Variants in PRELID2 observed in about 807,000 individuals in gnomAD.
The protein encoded by PRELID2 is PRELI domain-containing protein 2.
Under a neutral mutation model 28.4 loss-of-function variants are expected in PRELID2, and 25 were observed. The observed-to-expected ratio is 0.88, with a 90% CI of 0.64 to 1.23. PRELID2 has a LOEUF of 1.23. Ranked by LOEUF, PRELID2 falls within the 50% of genes most tolerant of loss-of-function variation. The pLI is 0.00. For missense variants in PRELID2, 201 were observed against 214.4 expected (o/e 0.94, Z 0.39); for synonymous variants, 76 against 71.6 (o/e 1.06, Z -0.31).
At chr5:145,263,873 C>T in the PRELID2 span, among the ~76,000 whole-genome samples, 389 of 151,072 alleles carry the variant, frequency 2.6e-3, 3 homozygotes, top group African/African-American at 9.3e-3. Flanking sequence ...AAAAAAAGTC[C>T]AGGACCAGAC....
chr5:145,366,892 G>A, the PRELID2 span, among the ~76,000 whole-genome samples: 6 of 151,924 alleles, frequency 3.9e-5, no homozygotes, highest in African/African-American at 1.4e-4. Context: ...CTTCTGAAAT[G>A]TTTTTCTGAT....
At chr5:145,787,309 C>T (rs1295711087) in intron 5 of PRELID2, among the ~76,000 whole-genome samples, 1 of 152,170 alleles carries the variant, frequency 6.6e-6, no homozygotes, top group Non-Finnish European at 1.5e-5. Flanking sequence ...TAAGCCTCCC[C>T]AGAGAAGCAA....
intron 1 of PRELID2, among the ~76,000 whole-genome samples, chr5:145,543,382 G>C (rs1752760878): frequency 6.6e-6 from 1 of 151,936 alleles, no homozygotes; most frequent in Non-Finnish European, 1.5e-5. Flanking sequence ...TGTTCTATAT[G>C]GGCCTAAGAG....
chr5:145,468,455 T>A (rs1054523933), downstream of PRELID2, among the ~76,000 whole-genome samples: 2 of 152,192 alleles, frequency 1.3e-5, no homozygotes, highest in Non-Finnish European at 2.9e-5. Flanking sequence ...CTGGGTCAAA[T>A]GGTATTTCTA....
At chr5:145,396,780 G>T in the PRELID2 span, among the ~76,000 whole-genome samples, 3 of 151,522 alleles carry the variant, frequency 2.0e-5, no homozygotes, top group African/African-American at 7.3e-5. Flanking sequence ...GACACAATAG[G>T]AAAATTCAGA....
At chr5:145,253,261 CTATT>C in the PRELID2 span, among the ~76,000 whole-genome samples, 1 of 152,106 alleles carries the variant, frequency 6.6e-6, no homozygotes, top group Non-Finnish European at 1.5e-5. Flanking sequence ...CTGTGGTTGA[CTATT>C]TACTTAAAAG....
the PRELID2 span, among the ~76,000 whole-genome samples, chr5:145,441,961 C>A: frequency 3.9e-5 from 6 of 152,088 alleles, no homozygotes; most frequent in African/African-American, 1.4e-4. Context: ...AGCTAAATGT[C>A]TATAACTTTG....
At chr5:145,407,768 A>C in the PRELID2 span, among the ~76,000 whole-genome samples, 1 of 152,152 alleles carries the variant, frequency 6.6e-6, no homozygotes, top group African/African-American at 2.4e-5. Context: ...AGCTAATTCC[A>C]CCAACAACAA....
chr5:145,491,112 C>G (rs1192698986), intron 1 of PRELID2, among the ~76,000 whole-genome samples: 1 of 151,872 alleles, frequency 6.6e-6, no homozygotes, highest in Non-Finnish European at 1.5e-5. Context: ...AATCTATAAC[C>G]AAAAAGACCA....
chr5:145,246,543 T>C, the PRELID2 span, among the ~76,000 whole-genome samples: 40 of 151,650 alleles, frequency 2.6e-4, no homozygotes, highest in African/African-American at 7.5e-4. Context: ...TTATATTCTT[T>C]CCTTCCTTCC....
chr5:145,671,478 GT>G (rs1754705445), intron 1 of PRELID2, among the ~76,000 whole-genome samples: 1 of 152,102 alleles, frequency 6.6e-6, no homozygotes, highest in African/African-American at 2.4e-5. Flanking sequence ...CTGCCACTTA[GT>G]TTTGACAACA....
intron 1 of PRELID2, among the ~76,000 whole-genome samples, chr5:145,538,103 C>G (rs1479110045): frequency 6.6e-6 from 1 of 151,824 alleles, no homozygotes; most frequent in Admixed American, 6.6e-5. Context: ...CTGTCTTTTC[C>G]TCAATGTGTG....
the PRELID2 span, among the ~76,000 whole-genome samples, chr5:145,372,382 G>C: frequency 6.6e-6 from 1 of 151,962 alleles, no homozygotes. Context: ...GTCAATTTTA[G>C]AATAAGTGCC....
At chr5:145,324,537 A>G in the PRELID2 span, among the ~76,000 whole-genome samples, 1 of 152,176 alleles carries the variant, frequency 6.6e-6, no homozygotes, top group Non-Finnish European at 1.5e-5. Flanking sequence ...ATTCCTGTCT[A>G]CCCAGTTCAG....
intron 1 of PRELID2, among the ~76,000 whole-genome samples, chr5:145,652,775 A>G (rs373176202): frequency 1.3e-5 from 2 of 152,218 alleles, no homozygotes; most frequent in African/African-American, 2.4e-5. Flanking sequence ...AGGAACAACC[A>G]GTACCAGCCA....
chr5:145,424,479 G>T, the PRELID2 span, among the ~76,000 whole-genome samples: 1 of 152,194 alleles, frequency 6.6e-6, no homozygotes, highest in Non-Finnish European at 1.5e-5. Context: ...GCAGTATTCG[G>T]GTGGGAGTGA....
chr5:145,296,177 T>A, the PRELID2 span, among the ~76,000 whole-genome samples: 49 of 151,838 alleles, frequency 3.2e-4, no homozygotes, highest in African/African-American at 1.0e-3. Flanking sequence ...TTTTTGGTTT[T>A]TTTATTTATT....
At chr5:145,774,622 C>G (rs1207943846) in intron 5 of PRELID2, among the ~76,000 whole-genome samples, 1 of 152,194 alleles carries the variant, frequency 6.6e-6, no homozygotes, top group Non-Finnish European at 1.5e-5. Flanking sequence ...ATAGGAAATA[C>G]CAGCAGGGGC....
At chr5:145,402,968 G>T in the PRELID2 span, among the ~76,000 whole-genome samples, 1 of 152,278 alleles carries the variant, frequency 6.6e-6, no homozygotes, top group African/African-American at 2.4e-5. Flanking sequence ...AGAGTCCAAA[G>T]ACCAACTCCT....
Sources: allele counts gnomAD v4.1 joint callset (sites outside exome capture counted in the v4.1 genomes callset), GRCh38; gene constraint gnomAD v4.1.1; transcripts MANE v1.5; gene names NCBI Gene and HGNC (gene_info 2026-07-23, HGNC 2026-07-21).